The following DPP10 variants were observed in gnomAD, a reference collection of about 807,000 sequenced individuals.
The protein encoded by DPP10 is inactive dipeptidyl peptidase 10.
DPP10 carries 33 observed loss-of-function variants against 120.9 expected under a neutral mutation model. The ratio of observed to expected loss-of-function variants is 0.27; its 90% confidence interval spans 0.21 to 0.37. The LOEUF is 0.37. DPP10 is among the 10% of genes least tolerant of loss of function. DPP10 has a pLI of 1.00. For synonymous variants in DPP10, 337 were observed against 326.1 expected (o/e 1.03, Z -0.36); for missense variants, 816 against 942.8 (o/e 0.87, Z 1.76).
chr2:115,009,972 T>G (rs1268712090), intron 1 of DPP10, among the ~76,000 whole-genome samples: 2 of 152,190 alleles, frequency 1.3e-5, no homozygotes, highest in Admixed American at 1.3e-4. Flanking sequence ...ACTAGTTCCT[T>G]TTCAGTTTGG....
intron 3 of DPP10, among the ~76,000 whole-genome samples, chr2:115,445,755 A>G (rs2072522754): frequency 1.3e-5 from 2 of 152,232 alleles, no homozygotes; most frequent in Admixed American, 6.5e-5. Context: ...GAGAAATTCA[A>G]GCTAGCTGCA....
intron 1 of DPP10, among the ~76,000 whole-genome samples, chr2:114,617,030 C>T (rs1423075334): frequency 6.6e-6 from 1 of 152,040 alleles, no homozygotes; most frequent in Non-Finnish European, 1.5e-5. Context: ...AATTAAATAC[C>T]ACCAGTTAAC....
At chr2:114,615,945 A>G (rs890143568) in intron 1 of DPP10, among the ~76,000 whole-genome samples, 6 of 152,186 alleles carry the variant, frequency 3.9e-5, no homozygotes, top group African/African-American at 7.2e-5. Context: ...TGGTAATTAT[A>G]ATATAATGTG....
intron 5 of DPP10, among the ~76,000 whole-genome samples, chr2:115,575,388 C>G (rs1558871743): frequency 6.6e-6 from 1 of 152,184 alleles, no homozygotes; most frequent in African/African-American, 2.4e-5. Flanking sequence ...AGGAGTCGTT[C>G]TCCTCTGGAG....
chr2:115,104,437 A>T (rs1391666549), intron 1 of DPP10, among the ~76,000 whole-genome samples: 1 of 152,140 alleles, frequency 6.6e-6, no homozygotes, highest in Non-Finnish European at 1.5e-5. Context: ...TAGAGAAACA[A>T]TTCAAATGGT....
chr2:114,560,657 C>T (rs1380081031), intron 1 of DPP10, among the ~76,000 whole-genome samples: 1 of 152,154 alleles, frequency 6.6e-6, no homozygotes, highest in Non-Finnish European at 1.5e-5. Context: ...CTGCTCCCCT[C>T]ACCACCTCTC....
chr2:115,683,854 T>G (rs937891347), intron 5 of DPP10, among the ~76,000 whole-genome samples: 1 of 151,886 alleles, frequency 6.6e-6, no homozygotes, highest in Non-Finnish European at 1.5e-5. Context: ...TTTTTCTTTC[T>G]TATTGTAGTA....
intron 1 of DPP10, among the ~76,000 whole-genome samples, chr2:114,468,384 C>CA (rs1331898567): frequency 2.1e-5 from 2 of 95,802 alleles, no homozygotes; most frequent in African/African-American, 4.7e-5. Flanking sequence ...ATGACCTTGT[C>CA]AGGCTTACAA....
chr2:114,594,441 T>TAC, intron 1 of DPP10, among the ~76,000 whole-genome samples: 1 of 148,342 alleles, frequency 6.7e-6, no homozygotes, highest in Admixed American at 6.8e-5. Context: ...AAAGGGAGCT[T>TAC]ATATGTGAAC....
At chr2:114,814,155 G>C (rs1033114388) in intron 1 of DPP10, among the ~76,000 whole-genome samples, 7 of 152,132 alleles carry the variant, frequency 4.6e-5, no homozygotes, top group Non-Finnish European at 4.4e-5. Context: ...AGCCATTACA[G>C]TATTTAACAA....
intron 21 of DPP10, among the ~76,000 whole-genome samples, chr2:115,822,765 T>C (rs1687935694): frequency 6.6e-6 from 1 of 151,960 alleles, no homozygotes; most frequent in African/African-American, 2.4e-5. Flanking sequence ...TCATCCTCCT[T>C]AAACACTTAT....
chr2:115,415,876 T>TATATATATAC (rs1553592804), intron 3 of DPP10, among the ~76,000 whole-genome samples: 2 of 133,160 alleles, frequency 1.5e-5, no homozygotes, highest in Admixed American at 7.4e-5. Context: ...TATATATATA[T>TATATATATAC]GCACACACAC....
At chr2:114,549,326 G>A (rs1687679627) in intron 1 of DPP10, among the ~76,000 whole-genome samples, 2 of 151,928 alleles carry the variant, frequency 1.3e-5, no homozygotes, top group Non-Finnish European at 2.9e-5. Context: ...TTTGAGAAGA[G>A]GCAGCTGACT....
chr2:114,837,592 A>C (rs1339027392), intron 1 of DPP10, among the ~76,000 whole-genome samples: 1 of 152,316 alleles, frequency 6.6e-6, no homozygotes, highest in East Asian at 1.9e-4. Flanking sequence ...CAAAAAAAAA[A>C]ATGTGAAGAT....
At chr2:115,050,553 G>C (rs1244075103) in intron 1 of DPP10, among the ~76,000 whole-genome samples, 2 of 151,108 alleles carry the variant, frequency 1.3e-5, no homozygotes, top group African/African-American at 4.9e-5. Flanking sequence ...ATAAAAGTTG[G>C]GGCAAAAAAA....
At chr2:114,642,787 G>A (rs1215340259) in intron 1 of DPP10, among the ~76,000 whole-genome samples, 2 of 151,708 alleles carry the variant, frequency 1.3e-5, no homozygotes, top group Non-Finnish European at 1.5e-5. Context: ...AATCATCAAC[G>A]TATTGTTGTA....
intron 1 of DPP10, among the ~76,000 whole-genome samples, chr2:115,012,746 A>G (rs1343725410): frequency 6.6e-6 from 1 of 152,200 alleles, no homozygotes; most frequent in East Asian, 1.9e-4. Context: ...AATTCTGGTA[A>G]CATGACAAAA....
chr2:115,430,326 CTTAA>C (rs1247356955), intron 3 of DPP10, among the ~76,000 whole-genome samples: 1 of 152,096 alleles, frequency 6.6e-6, no homozygotes, highest in African/African-American at 2.4e-5. Flanking sequence ...TTGGACTTTC[CTTAA>C]TTCTTATTCA....
chr2:115,549,973 A>C (rs142693816), intron 5 of DPP10, among the ~76,000 whole-genome samples: 1 of 152,210 alleles, frequency 6.6e-6, no homozygotes, highest in Non-Finnish European at 1.5e-5. Flanking sequence ...GAGCCAAGTC[A>C]CTGTGATGAT....
Sources: allele counts gnomAD v4.1 joint callset (sites outside exome capture counted in the v4.1 genomes callset), GRCh38; gene constraint gnomAD v4.1.1; transcripts MANE v1.5; gene names NCBI Gene and HGNC (gene_info 2026-07-23, HGNC 2026-07-21).